CDH12: variants seen among roughly 807,000 people sequenced by gnomAD.
The protein encoded by CDH12 is cadherin-12.
CDH12 carries 41 observed loss-of-function variants against 74.1 expected under a neutral mutation model. That is an observed-to-expected ratio of 0.55 (90% CI 0.43 to 0.72). The LOEUF (loss-of-function observed/expected upper bound fraction) is 0.72, where lower values mean the gene tolerates loss of function less well. Among genes scored for constraint, CDH12 ranks in the 30% least tolerant of loss-of-function variants. The pLI, the probability that CDH12 is intolerant of heterozygous loss-of-function variation, is 0.00. For missense variants in CDH12, 945 were observed against 977.2 expected (o/e 0.97, Z 0.44); for synonymous variants, 399 against 355.0 (o/e 1.12, Z -1.39).
At position 22,132,083 on chromosome 5, in the gene CDH12, C is replaced by T. The variant is rs1746207322; in HGVS notation, c.-186-53221G>A. Among the ~76,000 whole-genome samples, 2 of 151,986 alleles carry T rather than the reference C, an allele frequency of 1.3e-5. 1 individual carries two copies. The highest frequency in any genetic ancestry group is 3.9e-4 in the East Asian group (2 of 5,170). On this transcript the variant is annotated intron_variant, in intron 4 of 14. Coordinates refer to ENST00000382254, the MANE Select transcript of CDH12 (RefSeq NM_004061.5). ...TTTTTTTATACTACTATTTCAATCT[C>T]CTCACCTCCCTCTCTGTCTCTATTT...
At chr5:22,387,260 T>C (rs1315888576) in intron 3 of CDH12, among the ~76,000 whole-genome samples, 5 of 151,498 alleles carry the variant, frequency 3.3e-5, no homozygotes, top group African/African-American at 1.2e-4. Context: ...TTTAAAAACA[T>C]TACAATTTTT....
At chr5:22,761,493 T>C (rs1326591152) in intron 1 of CDH12, among the ~76,000 whole-genome samples, 1 of 152,140 alleles carries the variant, frequency 6.6e-6, no homozygotes, top group Non-Finnish European at 1.5e-5. Context: ...CAATATTAAG[T>C]GCTACAGGCC....
rs578050240 is a variant in CDH12, at chr5:21,762,887, T to C, written c.1515+2091A>G. Among the ~76,000 whole-genome samples the C allele has an allele frequency of 1.7e-4, 26 of 151,684 alleles. No individual in the cohort carries two copies. The South Asian group carries it at 5.4e-3, about 32-fold the overall frequency. On this transcript the variant is annotated intron_variant, in intron 12 of 14. Coordinates refer to ENST00000382254, the MANE Select transcript of CDH12 (RefSeq NM_004061.5). ...CTAAAGAACTGGCTTTTTTTTTTTT[T>C]TTTTGTCTTTGTTTAGTGAGGCATC... is the stretch of plus-strand genomic sequence containing the variant.
chr5:22,703,635 T>C (rs1742834992), intron 1 of CDH12, among the ~76,000 whole-genome samples: 1 of 152,180 alleles, frequency 6.6e-6, no homozygotes, highest in African/African-American at 2.4e-5. Context: ...AAAAATTAAG[T>C]ATTCTCTGCA....
At chr5:21,956,173 T>A (rs1466750260) in intron 6 of CDH12, among the ~76,000 whole-genome samples, 2 of 152,050 alleles carry the variant, frequency 1.3e-5, no homozygotes, top group African/African-American at 2.4e-5. Context: ...ATATAATAGA[T>A]AATTTACCAC....
At chr5:22,622,043 A>G (rs1228661232) in intron 1 of CDH12, among the ~76,000 whole-genome samples, 1 of 152,158 alleles carries the variant, frequency 6.6e-6, no homozygotes, top group Non-Finnish European at 1.5e-5. Context: ...TTTCTTAAGA[A>G]AGCTAAACTG....
intron 2 of CDH12, among the ~76,000 whole-genome samples, chr5:22,485,695 A>C (rs1028927867): frequency 5.9e-5 from 9 of 152,150 alleles, no homozygotes; most frequent in Non-Finnish European, 1.0e-4. Context: ...ACCTTATCTT[A>C]TATATTCACA....
At chr5:22,098,828 A>G (rs572602512) in intron 4 of CDH12, among the ~76,000 whole-genome samples, 59 of 152,198 alleles carry the variant, frequency 3.9e-4, no homozygotes, top group East Asian at 3.7e-3. Flanking sequence ...ATTTATTGAT[A>G]GCAGTTCCAC....
chr5:22,363,021 T>C (rs1740884175), intron 3 of CDH12, among the ~76,000 whole-genome samples: 1 of 151,788 alleles, frequency 6.6e-6, no homozygotes, highest in Admixed American at 6.6e-5. Flanking sequence ...ACATGGCACA[T>C]GTATATGTAT....
intron 1 of CDH12, among the ~76,000 whole-genome samples, chr5:22,833,986 ACT>A (rs1736722103): frequency 6.6e-6 from 1 of 152,010 alleles, no homozygotes; most frequent in East Asian, 1.9e-4. Flanking sequence ...CCCTCCATTA[ACT>A]CTGCCCTCAC....
intron 4 of CDH12, among the ~76,000 whole-genome samples, chr5:22,204,408 G>T (rs1162302332): frequency 6.6e-6 from 1 of 152,082 alleles, no homozygotes; most frequent in Non-Finnish European, 1.5e-5. Flanking sequence ...TGATCCGCCC[G>T]CCTCGGCCTC....
At chr5:22,322,994 G>A (rs981837675) in intron 3 of CDH12, among the ~76,000 whole-genome samples, 4 of 152,128 alleles carry the variant, frequency 2.6e-5, no homozygotes, top group Admixed American at 1.3e-4. Flanking sequence ...TTGGCTCCCA[G>A]TTCTCATTTA....
intron 3 of CDH12, among the ~76,000 whole-genome samples, chr5:22,264,060 ATATG>A (rs148387705): frequency 0.025 from 3,834 of 151,686 alleles, 72 homozygotes; most frequent in African/African-American, 0.052. Context: ...CTGAAAATCT[ATATG>A]TATGTATTTA....
chr5:22,375,262 C>T (rs570230851), intron 3 of CDH12, among the ~76,000 whole-genome samples: 1 of 152,168 alleles, frequency 6.6e-6, no homozygotes, highest in East Asian at 1.9e-4. Flanking sequence ...TGAAAATGGA[C>T]TCCTATCTCT....
intron 10 of CDH12, among the ~76,000 whole-genome samples, chr5:21,794,323 G>T (rs1307728471): frequency 6.6e-6 from 1 of 150,616 alleles, no homozygotes; most frequent in Non-Finnish European, 1.5e-5. Context: ...CAGTTTCTTT[G>T]CTTCTATAAA....
chr5:22,571,831 T>C (rs1050454856), intron 1 of CDH12, among the ~76,000 whole-genome samples: 1 of 152,142 alleles, frequency 6.6e-6, no homozygotes, highest in Non-Finnish European at 1.5e-5. Context: ...ATTGATTAAG[T>C]TTGCCATACC....
intron 1 of CDH12, among the ~76,000 whole-genome samples, chr5:22,542,378 A>C (rs945832527): frequency 6.6e-6 from 1 of 152,188 alleles, no homozygotes; most frequent in African/African-American, 2.4e-5. Flanking sequence ...TAAGAAGAGA[A>C]AATGATCCAT....
intron 12 of CDH12, among the ~76,000 whole-genome samples, chr5:21,764,345 G>A (rs1040597172): frequency 2.0e-5 from 3 of 152,012 alleles, no homozygotes; most frequent in African/African-American, 7.2e-5. Flanking sequence ...CTGCACTCCA[G>A]CCTGGGTGAC....
chr5:22,062,129 A>G (rs1479362722), intron 5 of CDH12, among the ~76,000 whole-genome samples: 1 of 152,162 alleles, frequency 6.6e-6, no homozygotes, highest in Admixed American at 6.6e-5. Context: ...GGTTTTAGGT[A>G]TTCATATATT....
Sources: allele counts gnomAD v4.1 joint callset (sites outside exome capture counted in the v4.1 genomes callset), GRCh38; gene constraint gnomAD v4.1.1; transcripts MANE v1.5; gene names NCBI Gene and HGNC (gene_info 2026-07-23, HGNC 2026-07-21).